The following KRT8 variants were observed in gnomAD, a reference collection of about 807,000 sequenced individuals.
KRT8 encodes the protein keratin, type II cytoskeletal 8.
KRT8 carries 24 observed loss-of-function variants against 43.0 expected under a neutral mutation model. The ratio of observed to expected loss-of-function variants is 0.56; its 90% CI spans 0.40 to 0.78. The LOEUF is 0.78. Among genes scored for constraint, KRT8 ranks in the 30% least tolerant of loss-of-function variants. The pLI, the probability that KRT8 is intolerant of heterozygous loss-of-function variation, is 0.00. For synonymous variants in KRT8, 214 were observed against 261.2 expected, an observed-to-expected ratio of 0.82 and a Z score of 1.74; for missense variants, 492 against 638.4, an observed-to-expected ratio of 0.77 and a Z score of 2.47.
intron 2 of KRT8, among the ~76,000 whole-genome samples, chr12:52,920,682 A>T (rs1231826361): frequency 1.3e-5 from 2 of 152,186 alleles, no homozygotes; most frequent in Non-Finnish European, 2.9e-5. Context: ...TTAGAAAGAC[A>T]TCTAACAGGC....
chr12:52,905,286 G>A (rs1333990692), upstream of KRT8, among the ~76,000 whole-genome samples: 1 of 152,124 alleles, frequency 6.6e-6, no homozygotes, highest in East Asian at 1.9e-4. Context: ...CCAGGAAAAG[G>A]CAGTTCAGTG....
intron 2 of KRT8, among the ~76,000 whole-genome samples, chr12:52,934,822 A>G (rs138848231): frequency 0.011 from 1,607 of 151,922 alleles, 23 homozygotes; most frequent in African/African-American, 0.037. Flanking sequence ...TACAAAAATT[A>G]GCTGGGCATG....
chr12:52,926,287 C>T (rs1484275599), intron 2 of KRT8: 2 of 790,362 alleles, frequency 2.5e-6, no homozygotes, highest in Non-Finnish European at 4.1e-6. Flanking sequence ...GGTCAAATTC[C>T]TCATCTGGTG....
chr12:52,949,066 C>CG, intron 2 of KRT8: 2 of 1,068,690 alleles, frequency 1.9e-6, no homozygotes, highest in Non-Finnish European at 2.9e-6. Context: ...GGCTCCGGGG[C>CG]GGGGGCGGGG....
chr12:52,918,249 A>AGAAGAG (rs1941815916), intron 2 of KRT8, among the ~76,000 whole-genome samples: 2 of 151,772 alleles, frequency 1.3e-5, no homozygotes, highest in East Asian at 3.9e-4. Flanking sequence ...AAGAAGAAGA[A>AGAAGAG]GAAGAAGAAA....
chr12:52,903,328 G>A (rs1262645184), intron 1 of KRT8, among the ~76,000 whole-genome samples: 1 of 152,242 alleles, frequency 6.6e-6, no homozygotes, highest in Non-Finnish European at 1.5e-5. Context: ...GGAACCGGCA[G>A]AGCAGTGCGA....
chr12:52,900,908 C>G (rs1477807722), intron 3 of KRT8: 1 of 631,020 alleles, frequency 1.6e-6, no homozygotes, highest in Non-Finnish European at 2.8e-6. Context: ...CTCTAGGGAG[C>G]CTTCTAGAGC....
intron 2 of KRT8, among the ~76,000 whole-genome samples, chr12:52,938,559 C>A (rs944976964): frequency 6.6e-6 from 1 of 151,928 alleles, no homozygotes; most frequent in Non-Finnish European, 1.5e-5. Flanking sequence ...GAAGGATCAC[C>A]TGAGCCCAAT....
intron 2 of KRT8, among the ~76,000 whole-genome samples, chr12:52,918,246 A>AGAAGAAGAG (rs1941815281): frequency 6.6e-6 from 1 of 151,810 alleles, no homozygotes; most frequent in African/African-American, 2.4e-5. Context: ...AAGAAGAAGA[A>AGAAGAAGAG]GAAGAAGAAG....
At chr12:52,949,371 G>A in intron 2 of KRT8, 1 of 1,610,598 alleles carries the variant, frequency 6.2e-7, no homozygotes, top group Non-Finnish European at 8.5e-7. Flanking sequence ...TGGCCACCGG[G>A]ATAGCCGGGG....
At chr12:52,938,278 C>A (rs141514306) in intron 2 of KRT8, among the ~76,000 whole-genome samples, 2,691 of 147,798 alleles carry the variant, frequency 0.018, 74 homozygotes, top group African/African-American at 0.061. Context: ...AAGTGATTCT[C>A]GTGCCTTGGC....
At chr12:52,923,595 T>C (rs1229179084) in intron 2 of KRT8, among the ~76,000 whole-genome samples, 1 of 151,670 alleles carries the variant, frequency 6.6e-6, no homozygotes, top group African/African-American at 2.4e-5. Flanking sequence ...AATTTTTGTA[T>C]TTTTAGTAGA....
chr12:52,917,255 C>T (rs972131599), intron 2 of KRT8, among the ~76,000 whole-genome samples: 2 of 151,746 alleles, frequency 1.3e-5, no homozygotes, highest in South Asian at 2.1e-4. Context: ...CAAAATTAGC[C>T]GGGTGTGGTG....
chr12:52,946,531 C>T (rs1455152371), intron 2 of KRT8: 1 of 152,210 alleles, frequency 6.6e-6, no homozygotes, highest in Non-Finnish European at 1.5e-5. Flanking sequence ...AGTTAGGTGA[C>T]TTCCCCAAGG....
At chr12:52,937,954 C>G (rs1242986730) in intron 2 of KRT8, among the ~76,000 whole-genome samples, 2 of 145,040 alleles carry the variant, frequency 1.4e-5, no homozygotes, top group South Asian at 4.4e-4. Flanking sequence ...GAGCCGAGAT[C>G]GTGCCATTGC....
At chr12:52,932,122 C>A (rs867973033) in intron 2 of KRT8, among the ~76,000 whole-genome samples, 1 of 138,336 alleles carries the variant, frequency 7.2e-6, no homozygotes, top group East Asian at 2.1e-4. Flanking sequence ...GAGATGGAGT[C>A]TCACTCTGTC....
rs946535219 is a variant in KRT8 at position 52,945,444 on chromosome 12, G to C, written c.-47+4012C>G. Among the ~76,000 whole-genome samples, 7 of 152,104 alleles carry C rather than the reference G, an allele frequency of 4.6e-5. No individual in the cohort carries two copies. In the South Asian group the frequency reaches 1.5e-3, roughly 32 times the overall value. Reference sequence around the variant, plus strand: ...ATCCTTACACCTCAGTTGCTGTTCCGAACACCTCCCTCCTCCAGGCTGAGC... The same window carrying C: ...ATCCTTACACCTCAGTTGCTGTTCCCAACACCTCCCTCCTCCAGGCTGAGC... On this transcript the variant is annotated intron_variant, in intron 2 of 6. Coordinates refer to the KRT8 transcript ENST00000546826.
rs189690662 is a variant in KRT8 at position 52,898,633 on chromosome 12, T to A, written c.1202+46A>T. 6,824 of 1,612,810 alleles carry A rather than the reference T, an allele frequency of 4.2e-3. 28 individuals carry two copies. Among genetic ancestry groups the A allele is most frequent in the Non-Finnish European group, 4.1e-3 (4,777 of 1,178,822 alleles). ...GGGCTCCCACCGTCCCCACCCCAGG[T>A]CCCAGGGATAGGGAAGCAGGTCCGG... On this transcript the variant is annotated intron_variant, in intron 6 of 7. Transcript: ENST00000692008.
intron 2 of KRT8, among the ~76,000 whole-genome samples, chr12:52,938,451 G>A (rs1311939576): frequency 6.6e-6 from 1 of 151,532 alleles, no homozygotes; most frequent in Non-Finnish European, 1.5e-5. Context: ...ACTAGTGTGA[G>A]ACTCCACATC....
Sources: gnomAD v4.1 joint callset for allele counts (sites outside exome capture counted in the v4.1 genomes callset) on GRCh38, gnomAD v4.1.1 for gene constraint, MANE v1.5 for transcripts, NCBI Gene and HGNC (gene_info 2026-07-23, HGNC 2026-07-21) for gene names.